EGFR: variants seen among roughly 807,000 people sequenced by gnomAD.
EGFR encodes avian erythroblastic leukemia viral (v-erb-b) oncogene homolog.
A neutral mutation model predicts 143.0 loss-of-function variants in EGFR; 58 were observed. That is an observed-to-expected ratio of 0.41 (90% CI 0.33 to 0.50). The LOEUF (loss-of-function observed/expected upper bound fraction) is 0.50. Among genes scored for constraint, EGFR ranks in the 20% least tolerant of loss-of-function variants. EGFR has a pLI of 0.39. For synonymous variants in EGFR, 613 were observed against 594.4 expected, an observed-to-expected ratio of 1.03 and a Z score of -0.45; for missense variants, 1,307 against 1,579.0, an observed-to-expected ratio of 0.83 and a Z score of 2.92.
At chr7:55,100,120 GCGGAGACTGT>G (rs1791716598) in intron 1 of EGFR, among the ~76,000 whole-genome samples, 1 of 152,344 alleles carries the variant, frequency 6.6e-6, no homozygotes, top group African/African-American at 2.4e-5. Context: ...CTGCTCCTCA[GCGGAGACTGT>G]GGTGGCTTTG....
chr7:55,116,876 A>G (rs1458500539), intron 1 of EGFR, among the ~76,000 whole-genome samples: 1 of 152,234 alleles, frequency 6.6e-6, no homozygotes, highest in Non-Finnish European at 1.5e-5. Context: ...ATAGGAGAAT[A>G]CCACACTGCG....
chr7:55,033,038 G>A (rs535070486), intron 1 of EGFR, among the ~76,000 whole-genome samples: 3 of 152,290 alleles, frequency 2.0e-5, no homozygotes, highest in Admixed American at 2.0e-4. Context: ...GTCCAAAATT[G>A]TCATGTCTAT....
At chr7:55,020,678 C>T (rs1023442854) in intron 1 of EGFR, among the ~76,000 whole-genome samples, 6 of 152,066 alleles carry the variant, frequency 3.9e-5, no homozygotes, top group Non-Finnish European at 8.8e-5. Context: ...ACCATAAACC[C>T]ACTTGACAGG....
chr7:55,113,081 A>T lies in EGFR; in HGVS notation c.89-29205A>T, dbSNP rs115768277. On this transcript the variant is annotated intron_variant, in intron 1 of 27. Transcript: ENST00000275493. ...CTGTACCAGACGCTGGATGACAGGC[A>T]CCGACAGGCTGTCTGCCAGGGGAGC... 4.7e-3 allele frequency among the ~76,000 whole-genome samples: 719 copies of T among 152,350 alleles called. 4 individuals carry two copies. The highest frequency in any genetic ancestry group is 0.015 in the African/African-American group (644 of 41,580).
At chr7:55,109,774 T>C in intron 1 of EGFR, 1 of 985,438 alleles carries the variant, frequency 1.0e-6, no homozygotes, top group South Asian at 4.7e-5. Flanking sequence ...AAAGGGCCTG[T>C]CTGGTGTTTC....
chr7:55,143,579 G>T, intron 3 of EGFR, 91 bp downstream of exon 3: 1 of 1,442,358 alleles, frequency 6.9e-7, no homozygotes, highest in Non-Finnish European at 9.6e-7. Flanking sequence ...ATTCCACCTC[G>T]GAGAAGGCTT....
At chr7:55,148,358 T>A (rs925525258) in intron 4 of EGFR, among the ~76,000 whole-genome samples, 12 of 152,214 alleles carry the variant, frequency 7.9e-5, no homozygotes, top group African/African-American at 2.9e-4. Context: ...CAGGTCTCCA[T>A]GTTCTGTACA....
chr7:55,130,679 C>T (rs920088423), intron 1 of EGFR, among the ~76,000 whole-genome samples: 10 of 152,196 alleles, frequency 6.6e-5, no homozygotes, highest in Admixed American at 1.3e-4. Context: ...AATCCAACCA[C>T]GCTTACAAAA....
intron 1 of EGFR, among the ~76,000 whole-genome samples, chr7:55,132,726 T>G (rs1793924037): frequency 6.6e-6 from 1 of 152,242 alleles, no homozygotes; most frequent in Admixed American, 6.5e-5. Flanking sequence ...AGATGTCCTG[T>G]GACTGTTTCA....
intron 1 of EGFR, among the ~76,000 whole-genome samples, chr7:55,020,411 C>G (rs1035225304): frequency 6.6e-6 from 1 of 152,236 alleles, no homozygotes; most frequent in African/African-American, 2.4e-5. Context: ...GCGGAAGCCC[C>G]GGAAGCAGAG....
chr7:55,151,442 C>A, intron 5 of EGFR, 80 bp downstream of exon 5: 1 of 1,450,454 alleles, frequency 6.9e-7, no homozygotes, highest in Non-Finnish European at 9.7e-7. Context: ...GATTTGTTTT[C>A]CCTCTGAAGA....
chr7:55,105,186 A>T (rs1411510946), intron 1 of EGFR, among the ~76,000 whole-genome samples: 1 of 152,184 alleles, frequency 6.6e-6, no homozygotes, highest in Non-Finnish European at 1.5e-5. Flanking sequence ...ATCTCCCCTG[A>T]TGTCAAATGC....
intron 19 of EGFR, among the ~76,000 whole-genome samples, chr7:55,177,326 G>C (rs781266939): frequency 6.6e-6 from 1 of 152,182 alleles, no homozygotes; most frequent in Non-Finnish European, 1.5e-5. Flanking sequence ...TTTCAACAGG[G>C]AGTTAAATAG....
At chr7:55,034,183 A>G (rs746407064) in intron 1 of EGFR, among the ~76,000 whole-genome samples, 1 of 152,168 alleles carries the variant, frequency 6.6e-6, no homozygotes, top group Non-Finnish European at 1.5e-5. Flanking sequence ...CTCAAGTGAG[A>G]AAAGAATGGA....
Position 55,200,422 on chromosome 7 carries a change from T to C in EGFR, c.2946+9T>C, listed in dbSNP as rs1439519832. On this transcript the variant is annotated intron_variant, in intron 24 of 27. Coordinates refer to ENST00000275493, the MANE Select transcript of EGFR (RefSeq NM_005228.5). ...GCTACCTTGTCATTCAGGTACAAATTGCAGTCTGTGCTTCCATTGGGAAGA... is the reference window on the plus strand; with the variant it reads ...GCTACCTTGTCATTCAGGTACAAATCGCAGTCTGTGCTTCCATTGGGAAGA... 6.2e-7 allele frequency: 1 copy of C among 1,612,346 alleles called. No homozygotes were observed. The highest frequency in any genetic ancestry group is 8.5e-7 in the Non-Finnish European group (1 of 1,178,412).
intron 3 of EGFR, among the ~76,000 whole-genome samples, chr7:55,145,820 T>A (rs1794731569): frequency 6.6e-6 from 1 of 152,098 alleles, no homozygotes; most frequent in African/African-American, 2.4e-5. Flanking sequence ...GTGGTTAGAG[T>A]GTGTGACATG....
At chr7:55,069,831 T>C (rs1789718448) in intron 1 of EGFR, among the ~76,000 whole-genome samples, 2 of 152,200 alleles carry the variant, frequency 1.3e-5, no homozygotes, top group Admixed American at 1.3e-4. Flanking sequence ...AACTGCTGTC[T>C]CCAGTGGTCA....
intron 1 of EGFR, among the ~76,000 whole-genome samples, chr7:55,026,804 C>A (rs1304350784): frequency 6.6e-6 from 1 of 152,038 alleles, no homozygotes; most frequent in East Asian, 1.9e-4. Flanking sequence ...AGAAAGCGCT[C>A]TTGACCAAAA....
chr7:55,019,560 T>A (rs2128853955), intron 1 of EGFR, among the ~76,000 whole-genome samples, 195 bp downstream of exon 1: 1 of 151,168 alleles, frequency 6.6e-6, no homozygotes, highest in South Asian at 2.1e-4. Flanking sequence ...GCCGGGAGAG[T>A]CTGGGGCGGG....
Sources: gnomAD v4.1 joint callset for allele counts (sites outside exome capture counted in the v4.1 genomes callset) on GRCh38, gnomAD v4.1.1 for gene constraint, MANE v1.5 for transcripts, NCBI Gene and HGNC (gene_info 2026-07-23, HGNC 2026-07-21) for gene names.